The following PDLIM5 variants were observed in gnomAD, a reference collection of about 807,000 sequenced individuals.
PDLIM5 encodes PDZ and LIM domain protein 5.
Under a neutral mutation model 64.2 loss-of-function variants are expected in PDLIM5, and 34 were observed. The ratio of observed to expected loss-of-function variants is 0.53; its 90% CI spans 0.40 to 0.71. The LOEUF is 0.71. PDLIM5 is among the 30% of genes least tolerant of loss of function. PDLIM5 has a pLI of 0.00. For missense variants in PDLIM5, 683 were observed against 733.6 expected (o/e 0.93, Z 0.80); for synonymous variants, 253 against 269.1 (o/e 0.94, Z 0.59).
intron 3 of PDLIM5, among the ~76,000 whole-genome samples, chr4:94,556,523 C>T (rs554611677): frequency 6.6e-6 from 1 of 152,210 alleles, no homozygotes; most frequent in Non-Finnish European, 1.5e-5. Flanking sequence ...GTCCCACCAA[C>T]AGTGTAAAAG....
intron 2 of PDLIM5, among the ~76,000 whole-genome samples, chr4:94,466,670 A>G (rs998245818): frequency 6.6e-6 from 1 of 152,210 alleles, no homozygotes; most frequent in African/African-American, 2.4e-5. Context: ...TTGACTAAAT[A>G]ATGTGACAGA....
intron 3 of PDLIM5, among the ~76,000 whole-genome samples, chr4:94,525,422 C>T (rs75116994): frequency 6.8e-6 from 1 of 147,688 alleles, no homozygotes; most frequent in Non-Finnish European, 1.5e-5. Flanking sequence ...TGTCGCCCCA[C>T]CCCCCAAAAA....
rs199908689 is a variant in PDLIM5 at position 94,559,104 on chromosome 4, C to G, written c.249-14247C>G. Among the ~76,000 whole-genome samples, 4 of 152,084 alleles carry G rather than the reference C, an allele frequency of 2.6e-5. No homozygotes were observed. The East Asian group carries it at 5.8e-4, about 22-fold the overall frequency. The stretch of plus-strand genomic sequence containing the variant: ...CATCGACCAACTTACTGTTTTCTAT[C>G]ATGAAACCTGAAAAAATAAAAAAGA... On this transcript the variant is annotated intron_variant, in intron 3 of 12. Transcript: ENST00000317968.
At chr4:94,582,779 C>G in intron 5 of PDLIM5, 1 of 1,253,648 alleles carries the variant, frequency 8.0e-7, no homozygotes, top group Non-Finnish European at 1.2e-6. Context: ...CTGTAACTTT[C>G]CTTCTTGCTT....
rs77566567 is a variant in PDLIM5 at position 94,546,006 on chromosome 4, G to A, written c.248+22131G>A. ...CTATTGTCTATTCTATTTGTCTTAA[G>A]TGGAGCTATTGATTATATAATGCAA... On this transcript the variant is annotated intron_variant, in intron 3 of 12. Transcript: ENST00000317968. Among the ~76,000 whole-genome samples the A allele has an allele frequency of 8.0e-3, 1,220 of 152,236 alleles. 12 individuals carry two copies. Among genetic ancestry groups the A allele is most frequent in the African/African-American group, 0.028 (1,148 of 41,540 alleles).
intron 7 of PDLIM5, among the ~76,000 whole-genome samples, chr4:94,593,499 T>C (rs954115026): frequency 4.6e-5 from 7 of 152,122 alleles, no homozygotes; most frequent in African/African-American, 1.7e-4. Context: ...TCTCCTCACA[T>C]GGCTTTTTCT....
intron 2 of PDLIM5, among the ~76,000 whole-genome samples, chr4:94,495,227 G>A (rs947331564): frequency 8.6e-5 from 13 of 151,988 alleles, no homozygotes; most frequent in African/African-American, 3.1e-4. Context: ...TGTTAATTGT[G>A]ATCATACTCT....
chr4:94,551,739 T>C (rs1040403970), intron 3 of PDLIM5, among the ~76,000 whole-genome samples: 6 of 152,020 alleles, frequency 3.9e-5, no homozygotes, highest in Admixed American at 6.6e-5. Flanking sequence ...TGAGGCAAAA[T>C]AATGATTACC....
chr4:94,554,335 A>G (rs1578363399), intron 3 of PDLIM5, among the ~76,000 whole-genome samples: 1 of 152,212 alleles, frequency 6.6e-6, no homozygotes, highest in African/African-American at 2.4e-5. Flanking sequence ...TTACACATAT[A>G]TTGAAAAACA....
intron 5 of PDLIM5, chr4:94,582,712 C>T: frequency 6.3e-7 from 1 of 1,575,104 alleles, no homozygotes; most frequent in Non-Finnish European, 8.7e-7. Context: ...TTATTCTTCC[C>T]TCAGTAACCC....
chr4:94,546,831 G>GC (rs5860366), intron 3 of PDLIM5, among the ~76,000 whole-genome samples: 58,788 of 150,846 alleles, frequency 0.39, 13,541 homozygotes, highest in South Asian at 0.67. Flanking sequence ...CTGACATTAG[G>GC]CCCCCCCCAC....
At chr4:94,528,350 G>C (rs966378236) in intron 3 of PDLIM5, among the ~76,000 whole-genome samples, 1 of 151,994 alleles carries the variant, frequency 6.6e-6, no homozygotes, top group Admixed American at 6.6e-5. Flanking sequence ...TTATACACTA[G>C]GTATAATCAG....
intron 2 of PDLIM5, among the ~76,000 whole-genome samples, chr4:94,495,173 A>G (rs1344840444): frequency 6.6e-6 from 1 of 152,202 alleles, no homozygotes; most frequent in East Asian, 1.9e-4. Context: ...ATTATATTCT[A>G]CAGTATATCT....
chr4:94,470,200 G>A (rs1437028053), intron 2 of PDLIM5, among the ~76,000 whole-genome samples: 10 of 151,950 alleles, frequency 6.6e-5, no homozygotes, highest in African/African-American at 2.4e-4. Flanking sequence ...TCCTGACCTC[G>A]TGATCCGCCT....
intron 8 of PDLIM5, among the ~76,000 whole-genome samples, chr4:94,635,684 C>T (rs1010911072): frequency 1.3e-5 from 2 of 151,602 alleles, no homozygotes; most frequent in African/African-American, 4.8e-5. Context: ...TATGGTGCTT[C>T]CCCTGTCCCA....
intron 2 of PDLIM5, among the ~76,000 whole-genome samples, chr4:94,508,518 C>T (rs1728593298): frequency 6.6e-6 from 1 of 152,090 alleles, no homozygotes; most frequent in South Asian, 2.1e-4. Context: ...TGCCATACGT[C>T]CTGGGGCTGG....
intron 2 of PDLIM5, among the ~76,000 whole-genome samples, chr4:94,506,949 C>T (rs965442930): frequency 1.1e-4 from 16 of 152,160 alleles, no homozygotes; most frequent in South Asian, 4.1e-4. Context: ...CTTTCTCCCA[C>T]GCTGGATGCT....
rs539873443 is a variant in PDLIM5 at position 94,525,843 on chromosome 4, T to C, written c.248+1968T>C. Among the ~76,000 whole-genome samples, 96 of 152,188 alleles carry C rather than the reference T, an allele frequency of 6.3e-4. 2 individuals are homozygous for C. The highest frequency in any genetic ancestry group is 2.6e-3 in the Admixed American group (40 of 15,276). On this transcript the variant is annotated intron_variant, in intron 3 of 12. Coordinates refer to ENST00000317968, the MANE Select transcript of PDLIM5 (RefSeq NM_006457.5). ...GCTATTAGCTATACATTTTAATGCG[T>C]AGGAAAGTAGTCAATAAGAAAAGTA...
chr4:94,490,321 T>A (rs1726757040), intron 2 of PDLIM5, among the ~76,000 whole-genome samples: 1 of 152,078 alleles, frequency 6.6e-6, no homozygotes, highest in Non-Finnish European at 1.5e-5. Context: ...ATAAATATTT[T>A]AACCCTTGAT....
Sources: gnomAD v4.1 joint callset for allele counts (sites outside exome capture counted in the v4.1 genomes callset) on GRCh38, gnomAD v4.1.1 for gene constraint, MANE v1.5 for transcripts, NCBI Gene and HGNC (gene_info 2026-07-23, HGNC 2026-07-21) for gene names.